The following ATRNL1 variants were observed in gnomAD, a reference collection of about 807,000 sequenced individuals.
ATRNL1 encodes the protein attractin-like protein 1.
In ATRNL1, 95 loss-of-function variants were observed where a neutral mutation model predicts 182.7. The ratio of observed to expected loss-of-function variants is 0.52; its 90% CI spans 0.44 to 0.62. ATRNL1 has a LOEUF of 0.62. Among genes scored for constraint, ATRNL1 ranks in the 20% least tolerant of loss-of-function variants. The pLI, the probability that ATRNL1 is intolerant of heterozygous loss-of-function variation, is 0.00. For synonymous variants in ATRNL1, 576 were observed against 568.3 expected, an observed-to-expected ratio of 1.01 and a Z score of -0.19; for missense variants, 1,471 against 1,679.5, an observed-to-expected ratio of 0.88 and a Z score of 2.17.
chr10:115,845,509 T>A (rs1555098480), intron 27 of ATRNL1, among the ~76,000 whole-genome samples: 1 of 152,056 alleles, frequency 6.6e-6, no homozygotes, highest in Non-Finnish European at 1.5e-5. Context: ...CCGTTGATGC[T>A]GTTGATGATT....
intron 27 of ATRNL1, among the ~76,000 whole-genome samples, chr10:115,766,154 A>G (rs1433262344): frequency 6.6e-6 from 1 of 152,198 alleles, no homozygotes; most frequent in Non-Finnish European, 1.5e-5. Flanking sequence ...TTTAATGAAT[A>G]TTTGTTGATT....
At chr10:115,457,697 C>T (rs782367310) in intron 21 of ATRNL1, among the ~76,000 whole-genome samples, 3 of 151,926 alleles carry the variant, frequency 2.0e-5, no homozygotes, top group Non-Finnish European at 4.4e-5. Flanking sequence ...CCAAATGATC[C>T]CGCCACCACA....
At chr10:115,479,948 G>A (rs571449807) in intron 24 of ATRNL1, among the ~76,000 whole-genome samples, 1 of 151,178 alleles carries the variant, frequency 6.6e-6, no homozygotes, top group Non-Finnish European at 1.5e-5. Context: ...CTGTTTCTGA[G>A]CAAACTGGCT....
At chr10:115,538,900 C>T (rs529253335) in intron 25 of ATRNL1, among the ~76,000 whole-genome samples, 101 of 152,132 alleles carry the variant, frequency 6.6e-4, no homozygotes, top group African/African-American at 2.4e-3. Context: ...TTTACTGTAC[C>T]TTTTCTATGT....
chr10:115,131,050 TG>T (rs1554875047), intron 5 of ATRNL1, among the ~76,000 whole-genome samples: 1 of 152,130 alleles, frequency 6.6e-6, no homozygotes, highest in Non-Finnish European at 1.5e-5. Context: ...TTCTGGCCTT[TG>T]TTTTTTGGCC....
chr10:115,256,674 G>A (rs112908577), intron 10 of ATRNL1, among the ~76,000 whole-genome samples: 2 of 151,766 alleles, frequency 1.3e-5, no homozygotes, highest in Admixed American at 6.6e-5. Flanking sequence ...CTTGCCTTCC[G>A]CTAGCTTTTT....
At chr10:115,457,770 T>C (rs1158524107) in intron 21 of ATRNL1, among the ~76,000 whole-genome samples, 3 of 151,976 alleles carry the variant, frequency 2.0e-5, no homozygotes, top group African/African-American at 7.2e-5. Context: ...ATTCAGTCTT[T>C]ATGTTTTTTT....
At chr10:115,530,701 A>G (rs1851519019) in intron 25 of ATRNL1, among the ~76,000 whole-genome samples, 1 of 151,740 alleles carries the variant, frequency 6.6e-6, no homozygotes, top group African/African-American at 2.4e-5. Context: ...ATATGTATAC[A>G]TGTGCCATGC....
At chr10:115,494,635 A>G (rs1554977633) in intron 24 of ATRNL1, among the ~76,000 whole-genome samples, 1 of 152,202 alleles carries the variant, frequency 6.6e-6, no homozygotes, top group East Asian at 1.9e-4. Flanking sequence ...TATGTGATAA[A>G]TCACATTTAT....
intron 26 of ATRNL1, among the ~76,000 whole-genome samples, chr10:115,575,987 C>G (rs561325356): frequency 9.2e-5 from 14 of 152,184 alleles, no homozygotes; most frequent in Admixed American, 8.5e-4. Flanking sequence ...TAGATGAGAT[C>G]ATGCAGTACT....
intron 19 of ATRNL1, among the ~76,000 whole-genome samples, chr10:115,372,717 A>G (rs1857460621): frequency 6.6e-6 from 1 of 151,884 alleles, no homozygotes; most frequent in Non-Finnish European, 1.5e-5. Context: ...TTTCTATTTT[A>G]TTTCATCAAT....
chr10:115,301,907 A>C lies in ATRNL1; in HGVS notation c.2682A>C (p.Thr894=), dbSNP rs1254527293. 1 of 1,613,760 alleles carries C rather than the reference A, an allele frequency of 6.2e-7. No homozygotes were observed. The highest frequency in any genetic ancestry group is 2.2e-5 in the East Asian group (1 of 44,888). ...RPCKKPCSLR[T]SCSNCTSNGM... is the part of the protein sequence containing the mutation. ...GCAAAAAGCCATGCTCTCTGAGGAC[A>C]TCATGTTCCAACTGTACAAGCAATG... is the stretch of plus-strand genomic sequence containing the variant. The change falls in exon 17 of 29, where the codon ACA becomes ACC. Residue 894 remains threonine, a synonymous_variant. Transcript: ENST00000355044.
chr10:115,937,913 A>C (rs1953611374), intron 28 of ATRNL1, among the ~76,000 whole-genome samples: 1 of 152,222 alleles, frequency 6.6e-6, no homozygotes, highest in South Asian at 2.1e-4. Context: ...TGTGCAATTC[A>C]CTACAGACCT....
intron 27 of ATRNL1, among the ~76,000 whole-genome samples, chr10:115,829,310 T>C (rs924209278): frequency 2.6e-5 from 4 of 152,028 alleles, no homozygotes; most frequent in African/African-American, 7.2e-5. Context: ...GGAAGACCAG[T>C]AGAGCAGACC....
rs782231870 is a variant in ATRNL1 at position 115,727,310 on chromosome 10, G to A, written c.3858G>A (p.Leu1286=). ...SRPFASVDVA[L]EVGAEQTEFL... ...CCTTTGCTTCTGTTGATGTAGCTCT[G>A]GAAGTGGGAGCTGAACAAACAGAGT... The change falls in exon 27 of 29, where the codon CTG becomes CTA. Residue 1286 remains leucine (L), a synonymous_variant. Transcript: ENST00000355044. 3 of 1,614,144 alleles carry A rather than the reference G, an allele frequency of 1.9e-6. No homozygotes were observed. Among genetic ancestry groups the A allele is most frequent in the Non-Finnish European group, 2.5e-6 (3 of 1,179,988 alleles).
At chr10:115,928,040 T>C (rs1953286774) in intron 28 of ATRNL1, among the ~76,000 whole-genome samples, 1 of 152,054 alleles carries the variant, frequency 6.6e-6, no homozygotes, top group African/African-American at 2.4e-5. Flanking sequence ...GAATTGCTCT[T>C]TTCCCATTTG....
At chr10:115,162,660 G>A (rs1451344083) in intron 6 of ATRNL1, among the ~76,000 whole-genome samples, 5 of 149,636 alleles carry the variant, frequency 3.3e-5, no homozygotes, top group African/African-American at 9.9e-5. Context: ...CGGGATTTGA[G>A]TTAAGATGAA....
intron 21 of ATRNL1, among the ~76,000 whole-genome samples, chr10:115,449,579 C>T (rs1847185950): frequency 6.6e-6 from 1 of 152,310 alleles, no homozygotes; most frequent in Non-Finnish European, 1.5e-5. Flanking sequence ...AACACATGCC[C>T]TCTGGGGCTT....
At chr10:115,870,649 T>C (rs1022889963) in intron 28 of ATRNL1, among the ~76,000 whole-genome samples, 1 of 152,218 alleles carries the variant, frequency 6.6e-6, no homozygotes, top group East Asian at 1.9e-4. Flanking sequence ...ATCTTGACAT[T>C]ATTTCTGATA....
Sources: gnomAD v4.1 joint callset for allele counts (sites outside exome capture counted in the v4.1 genomes callset) on GRCh38, gnomAD v4.1.1 for gene constraint, MANE v1.5 for transcripts, NCBI Gene and HGNC (gene_info 2026-07-23, HGNC 2026-07-21) for gene names.